Variants in ERBB3 observed in about 807,000 individuals in gnomAD.
The protein encoded by ERBB3 is receptor tyrosine-protein kinase erbB-3.
ERBB3 carries 96 observed loss-of-function variants against 156.7 expected under a neutral mutation model. The ratio of observed to expected loss-of-function variants is 0.61; its 90% CI spans 0.52 to 0.73. The LOEUF is 0.73. ERBB3 is among the 30% of genes least tolerant of loss of function. The pLI, the probability that ERBB3 is intolerant of heterozygous loss-of-function variation, is 0.00. For missense variants in ERBB3, 1,406 were observed against 1,709.4 expected, an observed-to-expected ratio of 0.82 and a Z score of 3.13; for synonymous variants, 567 against 632.0, an observed-to-expected ratio of 0.90 and a Z score of 1.54.
chr12:56,092,840 C>A lies in ERBB3; in HGVS notation c.1183+20C>A. On this transcript the variant is annotated intron_variant, in intron 10 of 27. Coordinates refer to ENST00000267101, the MANE Select transcript of ERBB3 (RefSeq NM_001982.4). ...TCACAGGTGAGTGGCAGAGAGTTTGCCCTTTCTAGAAGAATAGGTGAACCA... is the reference window on the plus strand; with the variant it reads ...TCACAGGTGAGTGGCAGAGAGTTTGACCTTTCTAGAAGAATAGGTGAACCA... The A allele has an allele frequency of 6.2e-7, 1 of 1,609,624 alleles. No homozygotes were observed. Among genetic ancestry groups the A allele is most frequent in the Non-Finnish European group, 8.5e-7 (1 of 1,175,902 alleles).
intron 16 of ERBB3, 32 bp downstream of exon 16, chr12:56,095,342 G>A (rs1357882109): frequency 6.3e-7 from 1 of 1,584,080 alleles, no homozygotes; most frequent in African/African-American, 1.3e-5. Context: ...TGGAAACTGG[G>A]GATATTTGGG....
chr12:56,090,630 G>C (rs748997911), intron 9 of ERBB3, among the ~76,000 whole-genome samples: 4 of 151,930 alleles, frequency 2.6e-5, no homozygotes, highest in Non-Finnish European at 2.9e-5. Flanking sequence ...GTGAAAGAGC[G>C]AGACTCTGTC....
intron 9 of ERBB3, among the ~76,000 whole-genome samples, chr12:56,089,911 T>G (rs1414703978): frequency 6.6e-6 from 1 of 151,748 alleles, no homozygotes; most frequent in African/African-American, 2.4e-5. Context: ...CCACCTGTTT[T>G]TTTTTTTCCT....
intron 4 of ERBB3, 65 bp from the exon 5 acceptor site, chr12:56,087,512 C>A: frequency 7.5e-7 from 1 of 1,326,530 alleles, no homozygotes; most frequent in South Asian, 1.2e-5. Context: ...ACATCATACC[C>A]CGTTGATTAA....
chr12:56,084,024 G>A, intron 2 of ERBB3, 122 bp downstream of exon 2: 1 of 991,666 alleles, frequency 1.0e-6, no homozygotes, highest in Non-Finnish European at 1.6e-6. Flanking sequence ...GAGTTCCTAA[G>A]ATTCAAAACC....
rs376595441 is a variant in ERBB3, at chr12:56,080,272, G to C, written c.-29G>C. The stretch of plus-strand genomic sequence containing the variant: ...CCTAGGGGCCCCCGGGCCGGACTTG[G>C]CTGGGCTCCCTTCACCCTCTGCGGA... On this transcript the variant is annotated 5_prime_UTR_variant, in exon 1 of 28. Coordinates refer to ENST00000267101, the MANE Select transcript of ERBB3 (RefSeq NM_001982.4). 6.5e-7 allele frequency: 1 copy of C among 1,545,390 alleles called. No homozygotes were observed. The highest frequency in any genetic ancestry group is 8.8e-7 in the Non-Finnish European group (1 of 1,141,596).
At chr12:56,100,910 G>A in intron 26 of ERBB3, 151 bp from the exon 27 acceptor site, 1 of 658,872 alleles carries the variant, frequency 1.5e-6, no homozygotes, top group Admixed American at 3.3e-5. Context: ...CTGCACTCCA[G>A]CCTGGGCGAC....
At chr12:56,085,299 T>G in intron 3 of ERBB3, 118 bp downstream of exon 3, 2 of 1,587,396 alleles carry the variant, frequency 1.3e-6, no homozygotes, top group Non-Finnish European at 1.7e-6. Context: ...CCTGTCACCT[T>G]GGCCGCTGTC....
intron 9 of ERBB3, among the ~76,000 whole-genome samples, chr12:56,091,410 A>ATAT (rs1868706170): frequency 1.6e-5 from 1 of 61,162 alleles, no homozygotes. Context: ...ATATATATAT[A>ATAT]TTTTTTTTTT....
chr12:56,099,047 C>T (rs1032241256), intron 23 of ERBB3, 142 bp downstream of exon 23: 1 of 760,666 alleles, frequency 1.3e-6, no homozygotes, highest in Non-Finnish European at 2.1e-6. Context: ...CAACCTCCGC[C>T]TCTCGGGTTC....
chr12:56,090,343 C>T (rs1378470734), intron 9 of ERBB3, among the ~76,000 whole-genome samples: 1 of 151,996 alleles, frequency 6.6e-6, no homozygotes, highest in African/African-American at 2.4e-5. Flanking sequence ...GTTAACATAC[C>T]ACATATGGCC....
In ERBB3 at chr12:56,091,976, C is replaced by T. The variant is rs553368460; in HGVS notation, c.1110-771C>T. Among the ~76,000 whole-genome samples, 14 of 151,554 alleles carry T rather than the reference C, an allele frequency of 9.2e-5. No individual in the cohort carries two copies. In the Middle Eastern group the frequency reaches 0.017, roughly 184 times the overall value. Reference sequence around the variant, plus strand: ...CCTGTAATCTCAGCCCTTTGGGAGCCAGTGGGAAAATTGCTTGGGCCCAGG... The same window carrying T: ...CCTGTAATCTCAGCCCTTTGGGAGCTAGTGGGAAAATTGCTTGGGCCCAGG... On this transcript the variant is annotated intron_variant, in intron 9 of 27. Transcript: ENST00000267101.
Position 56,088,627 on chromosome 12 carries a change from G to A in ERBB3, c.959G>A (p.Cys320Tyr), listed in dbSNP as rs2136797444. 1 of 1,613,938 alleles carries A rather than the reference G, an allele frequency of 6.2e-7. No homozygotes were observed. The highest frequency in any genetic ancestry group is 1.7e-5 in the Admixed American group (1 of 60,020). Residue 320 changes from cysteine to tyrosine, a missense_variant, in exon 8 of 28, where the codon TGT (cysteine) becomes TAT (tyrosine). Physicochemically the swap from Cys to Tyr is radical, Grantham distance 194. Coordinates refer to ENST00000267101, the MANE Select transcript of ERBB3 (RefSeq NM_001982.4). ...GTAGATAAAAATGGGCTCAAGATGTGTGAGCCTTGTGGGGGACTATGTCCC... is the reference window on the plus strand; with the variant it reads ...GTAGATAAAAATGGGCTCAAGATGTATGAGCCTTGTGGGGGACTATGTCCC... ...MEVDKNGLKM[C>Y]EPCGGLCPKA...
intron 1 of ERBB3, among the ~76,000 whole-genome samples, chr12:56,083,139 G>C (rs558338532): frequency 2.2e-4 from 33 of 152,288 alleles, no homozygotes; most frequent in Non-Finnish European, 3.8e-4. Flanking sequence ...CCCAAGGCTT[G>C]AGGGTGGAGG....
At chr12:56,096,685 T>C in intron 18 of ERBB3, 63 bp downstream of exon 18, 1 of 1,613,482 alleles carries the variant, frequency 6.2e-7, no homozygotes, top group Non-Finnish European at 8.5e-7. Context: ...GGGTGAAAGA[T>C]TTTTGCATAG....
intron 9 of ERBB3, among the ~76,000 whole-genome samples, chr12:56,089,882 TA>T (rs367829503): frequency 6.7e-6 from 1 of 148,306 alleles, no homozygotes; most frequent in African/African-American, 2.5e-5. Context: ...TGTGTGTGTG[TA>T]AAAAAAACCC....
At chr12:56,100,589 C>G (rs1046184267) in intron 26 of ERBB3, among the ~76,000 whole-genome samples, 6 of 149,244 alleles carry the variant, frequency 4.0e-5, no homozygotes, top group African/African-American at 1.5e-4. Context: ...TTGCAGTGAG[C>G]TGAGATTGTA....
chr12:56,100,353 C>A, intron 26 of ERBB3, 108 bp downstream of exon 26: 1 of 972,392 alleles, frequency 1.0e-6, no homozygotes, highest in Non-Finnish European at 1.7e-6. Flanking sequence ...AAAAAGAAGG[C>A]AGTGAGGGCC....
intron 7 of ERBB3, 51 bp downstream of exon 7, chr12:56,088,213 T>C: frequency 6.3e-7 from 1 of 1,599,350 alleles, no homozygotes; most frequent in Non-Finnish European, 8.6e-7. Flanking sequence ...GATCCAAGAT[T>C]TTAGACAAAA....
Sources: allele counts gnomAD v4.1 joint callset (sites outside exome capture counted in the v4.1 genomes callset), GRCh38; gene constraint gnomAD v4.1.1; transcripts MANE v1.5; gene names NCBI Gene and HGNC (gene_info 2026-07-23, HGNC 2026-07-21).